Variants in TMTC3 observed in about 807,000 individuals in gnomAD.
The protein encoded by TMTC3 is transmembrane O-mannosyltransferase targeting cadherins 3.
Under a neutral mutation model 92.2 loss-of-function variants are expected in TMTC3, and 52 were observed. The observed-to-expected ratio is 0.56, with a 90% CI of 0.45 to 0.71. The LOEUF is 0.71. Ranked by LOEUF, TMTC3 falls within the 30% of genes least tolerant of loss-of-function variation. The pLI is 0.00. For synonymous variants in TMTC3, 339 were observed against 363.3 expected, an observed-to-expected ratio of 0.93 and a Z score of 0.76; for missense variants, 896 against 1,057.1, an observed-to-expected ratio of 0.85 and a Z score of 2.11.
intron 10 of TMTC3, among the ~76,000 whole-genome samples, chr12:88,187,734 A>G (rs891893196): frequency 6.6e-6 from 1 of 152,198 alleles, no homozygotes; most frequent in Non-Finnish European, 1.5e-5. Flanking sequence ...CTTGGCCCCT[A>G]TGTGTCCTAG....
At chr12:88,180,674 G>A (rs186266253) in intron 10 of TMTC3, among the ~76,000 whole-genome samples, 133 of 152,156 alleles carry the variant, frequency 8.7e-4, no homozygotes, top group Admixed American at 1.6e-3. Flanking sequence ...CTGCAGGGTC[G>A]TTTCCTTCAT....
At chr12:88,193,096 A>G (rs912821559) in intron 13 of TMTC3, among the ~76,000 whole-genome samples, 2 of 152,148 alleles carry the variant, frequency 1.3e-5, no homozygotes, top group Non-Finnish European at 2.9e-5. Context: ...ATTAAGCAAC[A>G]TTAACTATTT....
intron 7 of TMTC3, among the ~76,000 whole-genome samples, chr12:88,169,910 T>C (rs1354644907): frequency 2.1e-5 from 3 of 144,800 alleles, no homozygotes; most frequent in African/African-American, 7.8e-5. Flanking sequence ...CTATACTCTA[T>C]CCTGGATGAC....
intron 7 of TMTC3, among the ~76,000 whole-genome samples, chr12:88,171,575 A>T (rs1465542196): frequency 6.6e-6 from 1 of 152,118 alleles, no homozygotes; most frequent in Non-Finnish European, 1.5e-5. Flanking sequence ...GTGTATATGT[A>T]CCACATTTTT....
In TMTC3 at chr12:88,177,327, C is replaced by CA. The variant is rs570333691; in HGVS notation, c.1432+1020dup. ...GGTGACAGAGTGATATACTCTGTCT[C>CA]AAAAAAAAAAAATAGTTACATGTTT... On this transcript the variant is annotated intron_variant, in intron 10 of 13. Transcript: ENST00000266712. 3.3e-3 allele frequency among the ~76,000 whole-genome samples: 433 copies of CA among 132,700 alleles called. 8 individuals are homozygous for CA. The highest frequency in any genetic ancestry group is 0.028 in the East Asian group (130 of 4,576). 87.1% of individuals were successfully genotyped at this position (132,700 alleles called of 152,430 possible).
intron 7 of TMTC3, among the ~76,000 whole-genome samples, chr12:88,172,335 C>T (rs1488033785): frequency 6.6e-6 from 1 of 151,836 alleles, no homozygotes; most frequent in African/African-American, 2.4e-5. Context: ...CATAGATATC[C>T]TCTAATTTTA....
At chr12:88,189,327 C>T (rs576466340) in intron 11 of TMTC3, among the ~76,000 whole-genome samples, 4 of 152,028 alleles carry the variant, frequency 2.6e-5, no homozygotes, top group African/African-American at 7.2e-5. Context: ...CTCCAGACCT[C>T]GTGATCTGCC....
intron 6 of TMTC3, among the ~76,000 whole-genome samples, chr12:88,164,692 T>A (rs779399748): frequency 5.3e-5 from 8 of 152,208 alleles, no homozygotes; most frequent in Non-Finnish European, 1.0e-4. Context: ...AATTTTAAGT[T>A]ATTGCCATTA....
At position 88,195,958 on chromosome 12, in the gene TMTC3, AT is replaced by A. The variant is rs1258721448; in HGVS notation, c.*313del. On this transcript the variant is annotated 3_prime_UTR_variant, in exon 14 of 14. Coordinates refer to ENST00000266712, the MANE Select transcript of TMTC3 (RefSeq NM_181783.4). ...TCTTTACTGCTCTCAATTAAAAATA[AT>A]TTTGAGGCCTGAATGATAATCCCTT... 5.1e-6 allele frequency: 1 copy of A among 194,650 alleles called. No individual in the cohort carries two copies. The highest frequency in any genetic ancestry group is 5.6e-5 in the Admixed American group (1 of 17,706). The allele number at this position is 194,650 out of a possible 1,614,324, so 12.1% of individuals were successfully genotyped here.
At chr12:88,170,341 A>AT (rs1224220264) in intron 7 of TMTC3, among the ~76,000 whole-genome samples, 7 of 151,402 alleles carry the variant, frequency 4.6e-5, no homozygotes, top group South Asian at 4.2e-4. Flanking sequence ...AATAGGTATA[A>AT]TTTTTTTTTC....
At chr12:88,193,150 T>C (rs999440183) in intron 13 of TMTC3, among the ~76,000 whole-genome samples, 1 of 152,062 alleles carries the variant, frequency 6.6e-6, no homozygotes, top group African/African-American at 2.4e-5. Context: ...ATATATAAAC[T>C]CTCCAAATAA....
intron 3 of TMTC3, among the ~76,000 whole-genome samples, chr12:88,153,885 CTT>C (rs1280680749): frequency 1.3e-5 from 2 of 151,632 alleles, no homozygotes; most frequent in African/African-American, 2.4e-5. Context: ...TGAGATGTAA[CTT>C]TTTGAATTTA....
chr12:88,192,789 A>G lies in TMTC3; in HGVS notation c.1892A>G (p.Lys631Arg). 1 of 1,613,154 alleles carries G rather than the reference A, an allele frequency of 6.2e-7. No individual in the cohort carries two copies. The highest frequency in any genetic ancestry group is 8.5e-7 in the Non-Finnish European group (1 of 1,179,626). Residue 631 changes from lysine to arginine, a missense_variant, in exon 13 of 14, where the codon AAA becomes AGA. By Grantham distance (26) the Lys-to-Arg change is conservative. Coordinates refer to ENST00000266712, the MANE Select transcript of TMTC3 (RefSeq NM_181783.4). ...NRALELNPKH[K>R]LALFNSAIVM... ...GCTCTGGAACTAAATCCAAAGCATA[A>G]ACTAGCATTATTCAACTCTGCTATA...
intron 13 of TMTC3, among the ~76,000 whole-genome samples, chr12:88,193,066 AC>A (rs1239352550): frequency 7.9e-5 from 12 of 152,128 alleles, no homozygotes; most frequent in African/African-American, 2.9e-4. Context: ...ATGTGTTAAG[AC>A]TAATTTTTCA....
intron 7 of TMTC3, 51 bp from the exon 8 acceptor site, chr12:88,172,542 TATAA>T (rs1430858695): frequency 9.8e-7 from 1 of 1,018,802 alleles, no homozygotes; most frequent in Non-Finnish European, 1.3e-6. Flanking sequence ...CTTAATTTAT[TATAA>T]ATTATTTTAA....
intron 5 of TMTC3, 83 bp from the exon 6 acceptor site, chr12:88,160,596 C>G: frequency 1.7e-6 from 2 of 1,165,804 alleles, no homozygotes; most frequent in Non-Finnish European, 2.5e-6. Context: ...TGTATCTAAT[C>G]TTGCAATTAG....
chr12:88,146,864 A>C (rs2138354432), intron 1 of TMTC3, among the ~76,000 whole-genome samples: 1 of 150,252 alleles, frequency 6.7e-6, no homozygotes, highest in South Asian at 2.1e-4. Flanking sequence ...TATAGTTGTG[A>C]ATCCAGAAAC....
chr12:88,188,979 T>C, intron 11 of TMTC3, 33 bp downstream of exon 11: 1 of 1,149,404 alleles, frequency 8.7e-7, no homozygotes, highest in South Asian at 1.3e-5. Flanking sequence ...TTGTGTCATA[T>C]CTATTAGATG....
chr12:88,175,476 G>A (rs1391252372), intron 9 of TMTC3, among the ~76,000 whole-genome samples: 2 of 152,038 alleles, frequency 1.3e-5, no homozygotes, highest in African/African-American at 4.8e-5. Context: ...TGGTCTGTGT[G>A]ATTTCTTGGT....
Sources: gnomAD v4.1 joint callset for allele counts (sites outside exome capture counted in the v4.1 genomes callset) on GRCh38, gnomAD v4.1.1 for gene constraint, MANE v1.5 for transcripts, NCBI Gene and HGNC (gene_info 2026-07-23, HGNC 2026-07-21) for gene names.